The following BAIAP2L1 variants were observed in gnomAD, a reference collection of about 807,000 sequenced individuals.
The protein encoded by BAIAP2L1 is BAR/IMD domain containing adaptor protein 2 like 1, also known as BAR/IMD domain-containing adapter protein 2-like 1.
Under a neutral mutation model 66.3 loss-of-function variants are expected in BAIAP2L1, and 35 were observed. That is an observed-to-expected ratio of 0.53 (90% CI 0.40 to 0.70). The LOEUF (loss-of-function observed/expected upper bound fraction) is 0.70, where lower values mean the gene tolerates loss of function less well. Ranked by LOEUF, BAIAP2L1 falls within the 30% of genes least tolerant of loss-of-function variation. The probability of loss-of-function intolerance (pLI) is 0.00; values close to 1 mark genes in which losing one functional copy is unlikely to be tolerated. For synonymous variants in BAIAP2L1, 269 were observed against 248.7 expected, an observed-to-expected ratio of 1.08 and a Z score of -0.77; for missense variants, 622 against 656.9, an observed-to-expected ratio of 0.95 and a Z score of 0.58.
intron 7 of BAIAP2L1, among the ~76,000 whole-genome samples, chr7:98,313,511 T>C (rs1800956362): frequency 1.3e-5 from 2 of 151,562 alleles, no homozygotes; most frequent in Admixed American, 1.3e-4. Flanking sequence ...GCCCTCACTC[T>C]GGGAAGAGAA....
At chr7:98,357,045 ATATATTTTTT>A (rs1192762591) in intron 2 of BAIAP2L1, among the ~76,000 whole-genome samples, 8 of 15,644 alleles carry the variant, frequency 5.1e-4, no homozygotes, top group African/African-American at 1.6e-3. Context: ...ATATATATAT[ATATATTTTTT>A]TTTTTTTTTT....
intron 1 of BAIAP2L1, among the ~76,000 whole-genome samples, chr7:98,363,237 G>A (rs1802315321): frequency 6.6e-6 from 1 of 151,838 alleles, no homozygotes; most frequent in South Asian, 2.1e-4. Context: ...GTTTCACCAT[G>A]TTGGCCAGGC....
chr7:98,304,128 G>GAGCA, intron 12 of BAIAP2L1, 68 bp downstream of exon 12: 1 of 1,460,578 alleles, frequency 6.8e-7, no homozygotes, highest in Non-Finnish European at 9.1e-7. Flanking sequence ...GGTCACCACA[G>GAGCA]GACCTGCGCC....
chr7:98,379,058 T>C (rs1327087461), intron 1 of BAIAP2L1, among the ~76,000 whole-genome samples: 1 of 152,164 alleles, frequency 6.6e-6, no homozygotes, highest in Admixed American at 6.5e-5. Flanking sequence ...CTCAATCTCC[T>C]GACCTCGTGA....
At chr7:98,315,378 G>A in intron 7 of BAIAP2L1, 82 bp downstream of exon 7, 1 of 1,267,682 alleles carries the variant, frequency 7.9e-7, no homozygotes. Context: ...TTACAGGCGT[G>A]GGCCACGGCC....
chr7:98,360,335 G>A (rs79731750), intron 2 of BAIAP2L1, among the ~76,000 whole-genome samples: 1,756 of 152,156 alleles, frequency 0.012, 39 homozygotes, highest in African/African-American at 0.041. Context: ...GAGCCACCAC[G>A]CCCAGCCTGC....
chr7:98,304,223 T>C lies in BAIAP2L1; in HGVS notation c.1395A>G (p.Pro465=), dbSNP rs2116839301. The C allele has an allele frequency of 6.2e-7, 1 of 1,609,998 alleles. No homozygotes were observed. The highest frequency in any genetic ancestry group is 8.5e-7 in the Non-Finnish European group (1 of 1,177,940). Residue 465 remains proline (P), a synonymous_variant, in exon 12 of 14, where the codon CCA becomes CCG. Coordinates refer to ENST00000005260, the MANE Select transcript of BAIAP2L1 (RefSeq NM_018842.5). The stretch of plus-strand genomic sequence containing the variant: ...GAGCCGCGGTCTCGGGCTTGGACGC[T>C]GGGGCCTTAAAGGTGGATGTCGTCC... ...SARTTSTFKA[P]ASKPETAAPN...
intron 12 of BAIAP2L1, 52 bp from the exon 13 acceptor site, chr7:98,294,163 AATT>A (rs1800087844): frequency 1.9e-6 from 3 of 1,587,150 alleles, no homozygotes; most frequent in African/African-American, 1.3e-5. Flanking sequence ...GTCTTTTAAA[AATT>A]ATTTTAGGTA....
rs550895663 is a variant in BAIAP2L1 at position 98,292,171 on chromosome 7, A to G, written c.*1350T>C. The G allele has an allele frequency of 1.8e-4, 29 of 157,520 alleles. No individual in the cohort carries two copies. Among genetic ancestry groups the G allele is most frequent in the Admixed American group, 5.1e-4 (8 of 15,708 alleles). The allele number at this position is 157,520 out of a possible 1,614,324, so 9.8% of individuals were successfully genotyped here. A position where few individuals can be genotyped will look rare whatever the true frequency, so the allele number is the denominator to read the frequency against. On this transcript the variant is annotated 3_prime_UTR_variant, in exon 14 of 14. Coordinates refer to ENST00000005260, the MANE Select transcript of BAIAP2L1 (RefSeq NM_018842.5). ...GCTTACCTGCATGTAACCTTTCCCAATCTCAGCCTCATAGGATACTACACT... is the reference window on the plus strand; with the variant it reads ...GCTTACCTGCATGTAACCTTTCCCAGTCTCAGCCTCATAGGATACTACACT...
intron 3 of BAIAP2L1, among the ~76,000 whole-genome samples, chr7:98,344,328 C>CA (rs1461158694): frequency 1.3e-5 from 2 of 152,194 alleles, no homozygotes; most frequent in African/African-American, 4.8e-5. Context: ...CTCTTATCTT[C>CA]AAGTCATTGA....
At chr7:98,359,484 C>A (rs1402131386) in intron 2 of BAIAP2L1, among the ~76,000 whole-genome samples, 1 of 152,092 alleles carries the variant, frequency 6.6e-6, no homozygotes, top group South Asian at 2.1e-4. Context: ...TGTTGGCCAG[C>A]CTGGTCTCAA....
intron 1 of BAIAP2L1, chr7:98,386,641 G>A: frequency 7.9e-7 from 1 of 1,265,590 alleles, no homozygotes; most frequent in African/African-American, 1.6e-5. Context: ...TTCTTTCCGA[G>A]AACTTTTTTT....
At chr7:98,397,212 C>G (rs1236146739) in intron 1 of BAIAP2L1, among the ~76,000 whole-genome samples, 3 of 149,998 alleles carry the variant, frequency 2.0e-5, no homozygotes, top group African/African-American at 7.3e-5. Flanking sequence ...TGAGGTGACA[C>G]TGAAAGGCTT....
intron 3 of BAIAP2L1, among the ~76,000 whole-genome samples, chr7:98,330,555 G>C (rs1801471916): frequency 6.6e-6 from 1 of 152,218 alleles, no homozygotes; most frequent in Admixed American, 6.5e-5. Flanking sequence ...TACTCGGGAG[G>C]CTGAGGCAAA....
Position 98,395,596 on chromosome 7 carries a change from G to A in BAIAP2L1, c.51+5206C>T, listed in dbSNP as rs375892951. On this transcript the variant is annotated intron_variant, in intron 1 of 13. Coordinates refer to ENST00000005260, the MANE Select transcript of BAIAP2L1 (RefSeq NM_018842.5). ...AGTTTGTGACAATTTAGTGAGCTAT[G>A]TATACTTAAGCACAACTTTATGTAT... Among the ~76,000 whole-genome samples, 214 of 152,242 alleles carry A rather than the reference G, an allele frequency of 1.4e-3. 3 individuals are homozygous for A. The highest frequency in any genetic ancestry group is 4.7e-3 in the African/African-American group (195 of 41,552).
At chr7:98,333,422 A>C (rs751355268) in intron 3 of BAIAP2L1, among the ~76,000 whole-genome samples, 1 of 152,066 alleles carries the variant, frequency 6.6e-6, no homozygotes, top group Middle Eastern at 3.4e-3. Context: ...ACTTGGTGAA[A>C]CCTCACCTCT....
chr7:98,355,177 A>C (rs1273501470), intron 2 of BAIAP2L1, 49 bp from the exon 3 acceptor site: 2 of 1,329,468 alleles, frequency 1.5e-6, no homozygotes, highest in South Asian at 2.4e-5. Context: ...CAAGGAAAGG[A>C]GGAAGCAACA....
At chr7:98,347,885 C>A (rs528116949) in intron 3 of BAIAP2L1, among the ~76,000 whole-genome samples, 1 of 152,152 alleles carries the variant, frequency 6.6e-6, no homozygotes, top group African/African-American at 2.4e-5. Context: ...GAAACTAACA[C>A]AGAACAGAAA....
intron 3 of BAIAP2L1, among the ~76,000 whole-genome samples, chr7:98,335,483 T>C (rs1471942424): frequency 1.3e-5 from 2 of 152,222 alleles, no homozygotes; most frequent in East Asian, 1.9e-4. Flanking sequence ...CTTTACTGCG[T>C]TGCAGGTATC....
Sources: gnomAD v4.1 joint callset for allele counts (sites outside exome capture counted in the v4.1 genomes callset) on GRCh38, gnomAD v4.1.1 for gene constraint, MANE v1.5 for transcripts, NCBI Gene and HGNC (gene_info 2026-07-23, HGNC 2026-07-21) for gene names.